RMND5A: variants seen among roughly 807,000 people sequenced by gnomAD.
The protein encoded by RMND5A is required for meiotic nuclear division 5 homolog A.
A neutral mutation model predicts 49.7 loss-of-function variants in RMND5A; 17 were observed. The ratio of observed to expected loss-of-function variants is 0.34; its 90% CI spans 0.23 to 0.51. The LOEUF is 0.51. Among genes scored for constraint, RMND5A ranks in the 20% least tolerant of loss-of-function variants. The pLI, the probability that RMND5A is intolerant of heterozygous loss-of-function variation, is 0.96. For synonymous variants in RMND5A, 156 were observed against 167.7 expected (o/e 0.93, Z 0.54); for missense variants, 255 against 471.3 (o/e 0.54, Z 4.25).
At chr2:86,742,764 A>T (rs1209788656) in intron 2 of RMND5A, among the ~76,000 whole-genome samples, 1 of 150,898 alleles carries the variant, frequency 6.6e-6, no homozygotes, top group East Asian at 2.0e-4. Context: ...TCTTGGGGAC[A>T]TCTGCTTGAC....
chr2:86,721,041 A>C (rs180852502), intron 1 of RMND5A: 1 of 427,160 alleles, frequency 2.3e-6, no homozygotes, highest in Admixed American at 4.6e-5. Flanking sequence ...CCGGAAACCC[A>C]GCCGGGAGCG....
intron 4 of RMND5A, 51 bp downstream of exon 4, chr2:86,753,609 A>G: frequency 1.1e-6 from 1 of 920,516 alleles, no homozygotes; most frequent in Non-Finnish European, 1.7e-6. Flanking sequence ...TCTCTGTAAG[A>G]AAACTCAATC....
intron 4 of RMND5A, among the ~76,000 whole-genome samples, chr2:86,762,697 TATCATATATATCATATATATCATATA>T: frequency 1.9e-4 from 1 of 5,372 alleles, no homozygotes; most frequent in Non-Finnish European, 4.5e-4. Flanking sequence ...ATATCATATA[TATCATATATATCATATATATCATATA>T]TATCATATAT....
At chr2:86,765,733 A>G (rs1191221187) in intron 5 of RMND5A, 126 bp from the exon 6 acceptor site, 4 of 743,834 alleles carry the variant, frequency 5.4e-6, no homozygotes, top group South Asian at 2.0e-5. Flanking sequence ...AAGCTTAAGG[A>G]CCAGAATTTT....
intron 2 of RMND5A, among the ~76,000 whole-genome samples, chr2:86,746,224 A>G (rs1204483660): frequency 6.6e-6 from 1 of 152,256 alleles, no homozygotes; most frequent in Non-Finnish European, 1.5e-5. Context: ...TAGCTAATCC[A>G]GTCTGCAATT....
chr2:86,737,658 T>G (rs1247203763), intron 1 of RMND5A, among the ~76,000 whole-genome samples: 6 of 81,902 alleles, frequency 7.3e-5, no homozygotes, highest in Non-Finnish European at 1.4e-4. Context: ...GGTTTGTATA[T>G]CTCACCAACT....
chr2:86,765,289 A>G, intron 5 of RMND5A, 96 bp downstream of exon 5: 1 of 1,083,360 alleles, frequency 9.2e-7, no homozygotes, highest in South Asian at 1.7e-5. Flanking sequence ...CCTGTTTGCC[A>G]GTAAACAGTT....
Position 86,720,702 on chromosome 2 carries a change from A to T in RMND5A, c.35A>T (p.Glu12Val). The change falls in exon 1 of 9, where the codon GAG (glutamate) becomes GTG (valine). Residue 12 changes from glutamate (E) to valine (V), a missense_variant. Coordinates refer to ENST00000283632, the MANE Select transcript of RMND5A (RefSeq NM_022780.4). ...TGCGTGACGGTGGAGCGCGAGCTGG[A>T]GAAGGTGCTGCACAAGTTCTCAGGC... ...DQCVTVEREL[E>V]KVLHKFSGYG... is the part of the protein sequence containing the mutation. 1 of 1,577,466 alleles carries T rather than the reference A, an allele frequency of 6.3e-7. No homozygotes were observed. The highest frequency in any genetic ancestry group is 8.6e-7 in the Non-Finnish European group (1 of 1,163,728).
rs1187868566 is a variant in RMND5A, at chr2:86,766,030, G to A, written c.854+6G>A. On this transcript the variant is annotated splice_donor_region_variant and intron_variant, in intron 6 of 8. Transcript: ENST00000283632. ...GAGTCCCCTCTCAGTGTCAGGTATG[G>A]AAATTAGCCCTGTCTGTTATTGAAG... is the stretch of plus-strand genomic sequence containing the variant. 6.2e-7 allele frequency: 1 copy of A among 1,611,550 alleles called. No individual in the cohort carries two copies. The highest frequency in any genetic ancestry group is 1.3e-5 in the African/African-American group (1 of 74,854).
At chr2:86,747,107 G>A (rs1392170152) in intron 2 of RMND5A, among the ~76,000 whole-genome samples, 3 of 152,050 alleles carry the variant, frequency 2.0e-5, no homozygotes, top group Non-Finnish European at 4.4e-5. Context: ...TCCCCTGAAG[G>A]GTTTATACCA....
intron 6 of RMND5A, among the ~76,000 whole-genome samples, chr2:86,769,009 G>A (rs1161790771): frequency 2.0e-5 from 3 of 152,228 alleles, no homozygotes; most frequent in South Asian, 2.1e-4. Context: ...GCAGTGGCAC[G>A]ATCGTGGCTC....
rs145641005 is a variant in RMND5A at position 86,773,736 on chromosome 2, T to A, written c.*325T>A. On this transcript the variant is annotated 3_prime_UTR_variant, in exon 9 of 9. Transcript: ENST00000283632. ...GAAACGGAAATTGACCTCCCCGCCA[T>A]GTGTTTAATATTCCTCCTGCTTTTA... The A allele has an allele frequency of 1.6e-5, 3 of 188,394 alleles. No homozygotes were observed. The highest frequency in any genetic ancestry group is 7.0e-5 in the African/African-American group (3 of 43,082). 11.7% of individuals were successfully genotyped at this position (188,394 alleles called of 1,614,324 possible). A position where few individuals can be genotyped will look rare whatever the true frequency, so the allele number is the denominator to read the frequency against.
At chr2:86,763,217 T>G (rs960878296) in intron 4 of RMND5A, among the ~76,000 whole-genome samples, 3 of 152,168 alleles carry the variant, frequency 2.0e-5, no homozygotes, top group African/African-American at 7.2e-5. Flanking sequence ...GCTCCAGTCT[T>G]TGACTTTACA....
In RMND5A at chr2:86,721,136, C is replaced by G. The variant is rs961887353; in HGVS notation, c.142+327C>G. The G allele has an allele frequency of 3.4e-5, 9 of 262,502 alleles. 1 individual carries two copies. Among genetic ancestry groups the G allele is most frequent in the African/African-American group, 1.6e-4 (7 of 42,864 alleles). 16.3% of individuals were successfully genotyped at this position (262,502 alleles called of 1,614,324 possible). The stretch of plus-strand genomic sequence containing the variant: ...CGACCCCCGAGTGGGCGCCCCTCGT[C>G]CCCCGCTCCCAGCCGGCCCCGGGAG... On this transcript the variant is annotated intron_variant, in intron 1 of 8. Coordinates refer to ENST00000283632, the MANE Select transcript of RMND5A (RefSeq NM_022780.4).
intron 4 of RMND5A, among the ~76,000 whole-genome samples, chr2:86,759,329 A>G (rs939270096): frequency 6.6e-6 from 1 of 152,194 alleles, no homozygotes; most frequent in African/African-American, 2.4e-5. Flanking sequence ...CTGCTGGGTA[A>G]TTGTATAGAT....
intron 4 of RMND5A, among the ~76,000 whole-genome samples, chr2:86,757,185 A>G (rs1174076688): frequency 5.6e-5 from 1 of 17,744 alleles, no homozygotes; most frequent in Non-Finnish European, 1.2e-4. Context: ...AAAAAAAAAA[A>G]AAAAAAAAAA....
rs1672789964 is a variant in RMND5A at position 86,777,544 on chromosome 2, A to G, written c.*4133A>G. 6.6e-6 allele frequency: 1 copy of G among 152,218 alleles called. No homozygotes were observed. The highest frequency in any genetic ancestry group is 2.1e-4 in the South Asian group (1 of 4,826). The allele number at this position is 152,218 out of a possible 1,614,324, so 9.4% of individuals were successfully genotyped here. A position where few individuals can be genotyped will look rare whatever the true frequency, so the allele number is the denominator to read the frequency against. The stretch of plus-strand genomic sequence containing the variant: ...CCTTCTCTGTGTTTTCTAAACTTAC[A>G]CTAAAGGATTCATCAAATCATCTTG... On this transcript the variant is annotated 3_prime_UTR_variant, in exon 9 of 9. Coordinates refer to ENST00000283632, the MANE Select transcript of RMND5A (RefSeq NM_022780.4).
chr2:86,776,881 TGAG>T lies in RMND5A; in HGVS notation c.*3472_*3474del, dbSNP rs1672780296. The T allele has an allele frequency of 1.3e-5, 2 of 152,212 alleles. No homozygotes were observed. The highest frequency in any genetic ancestry group is 2.9e-5 in the Non-Finnish European group (2 of 68,042). The allele number at this position is 152,212 out of a possible 1,614,324, so 9.4% of individuals were successfully genotyped here. A position where few individuals can be genotyped will look rare whatever the true frequency, so the allele number is the denominator to read the frequency against. On this transcript the variant is annotated 3_prime_UTR_variant, in exon 9 of 9. Coordinates refer to ENST00000283632, the MANE Select transcript of RMND5A (RefSeq NM_022780.4). ...TGGTAACACTAGAATGCTGTGGTCTTGAGGGAATGTTAGCAAGGAACACATAGA... is the reference window on the plus strand; with the variant it reads ...TGGTAACACTAGAATGCTGTGGTCTTGGAATGTTAGCAAGGAACACATAGA...
At chr2:86,768,261 C>T (rs1672633263) in intron 6 of RMND5A, among the ~76,000 whole-genome samples, 1 of 152,218 alleles carries the variant, frequency 6.6e-6, no homozygotes, top group Non-Finnish European at 1.5e-5. Context: ...AAGAAAATAA[C>T]TCTTTTTTAG....
Sources: allele counts gnomAD v4.1 joint callset (sites outside exome capture counted in the v4.1 genomes callset), GRCh38; gene constraint gnomAD v4.1.1; transcripts MANE v1.5; gene names NCBI Gene and HGNC (gene_info 2026-07-23, HGNC 2026-07-21).